Variants in CDH6 observed in about 807,000 individuals in gnomAD.
CDH6 encodes the protein cadherin 6.
CDH6 carries 31 observed loss-of-function variants against 78.0 expected under a neutral mutation model. The observed-to-expected ratio is 0.40, with a 90% CI of 0.30 to 0.54. The LOEUF (loss-of-function observed/expected upper bound fraction) is 0.54. Ranked by LOEUF, CDH6 falls within the 20% of genes least tolerant of loss-of-function variation. The pLI, the probability that CDH6 is intolerant of heterozygous loss-of-function variation, is 0.56. For missense variants in CDH6, 724 were observed against 975.9 expected, an observed-to-expected ratio of 0.74 and a Z score of 3.44; for synonymous variants, 376 against 368.8, an observed-to-expected ratio of 1.02 and a Z score of -0.23.
At chr5:31,307,844 A>G (rs1339398162) in intron 7 of CDH6, among the ~76,000 whole-genome samples, 2 of 152,182 alleles carry the variant, frequency 1.3e-5, no homozygotes, top group African/African-American at 4.8e-5. Context: ...TTCATACCAA[A>G]TACCATTTTT....
rs888902888 is a variant in CDH6 at position 31,324,754 on chromosome 5, A to G, written c.*1446A>G. On this transcript the variant is annotated 3_prime_UTR_variant, in exon 12 of 12. Coordinates refer to ENST00000265071, the MANE Select transcript of CDH6 (RefSeq NM_004932.4). ...GCAATTAGCCTCATAGTTATTATCCAGAGGACCCAACTGAACTGAACTAAT... is the reference window on the plus strand; with the variant it reads ...GCAATTAGCCTCATAGTTATTATCCGGAGGACCCAACTGAACTGAACTAAT... 2 of 207,698 alleles carry G rather than the reference A, an allele frequency of 9.6e-6. No individual in the cohort carries two copies. Among genetic ancestry groups the G allele is most frequent in the Non-Finnish European group, 2.0e-5 (2 of 101,980 alleles). The allele number at this position is 207,698 out of a possible 1,614,324, so 12.9% of individuals were successfully genotyped here.
chr5:31,300,096 A>G (rs1369618593), intron 5 of CDH6, among the ~76,000 whole-genome samples: 1 of 152,232 alleles, frequency 6.6e-6, no homozygotes, highest in Non-Finnish European at 1.5e-5. Flanking sequence ...TACTTAATCC[A>G]TTTGTAATCA....
chr5:31,316,153 G>T, intron 8 of CDH6, 55 bp from the exon 9 acceptor site: 1 of 1,568,858 alleles, frequency 6.4e-7, no homozygotes, highest in South Asian at 1.2e-5. Context: ...GTTGTCTAAA[G>T]GGAATCGGCA....
At chr5:31,218,396 T>C (rs993911436) in intron 1 of CDH6, among the ~76,000 whole-genome samples, 4 of 152,154 alleles carry the variant, frequency 2.6e-5, no homozygotes, top group African/African-American at 9.7e-5. Context: ...GGCACAGCAA[T>C]TTCATCCATT....
chr5:31,318,104 G>A (rs1049289744), intron 11 of CDH6, 180 bp downstream of exon 11: 12 of 722,012 alleles, frequency 1.7e-5, no homozygotes, highest in Non-Finnish European at 2.4e-5. Context: ...AAATGGCTTT[G>A]GAAAATGAAC....
chr5:31,271,472 G>A lies in CDH6; in HGVS notation c.228+3771G>A, dbSNP rs547599636. ...CCAGTGAGATGAATGCAGAGACACGGACAAGACAAGGTGGGGAGGAATAGT... is the reference window on the plus strand; with the variant it reads ...CCAGTGAGATGAATGCAGAGACACGAACAAGACAAGGTGGGGAGGAATAGT... On this transcript the variant is annotated intron_variant, in intron 2 of 11. Coordinates refer to ENST00000265071, the MANE Select transcript of CDH6 (RefSeq NM_004932.4). Among the ~76,000 whole-genome samples the A allele has an allele frequency of 7.7e-4, 117 of 152,224 alleles. No individual in the cohort carries two copies. In the South Asian group the frequency reaches 0.02, roughly 26 times the overall value.
intron 2 of CDH6, among the ~76,000 whole-genome samples, chr5:31,285,681 A>G (rs1471465599): frequency 2.2e-4 from 33 of 152,176 alleles, no homozygotes; most frequent in Admixed American, 2.2e-3. Flanking sequence ...CAACAGGAGG[A>G]TACTTGAAAT....
Position 31,294,385 on chromosome 5 carries a change from C to T in CDH6, c.523+129C>T. The stretch of plus-strand genomic sequence containing the variant: ...CTAACTTCTTCAATCCATGTATGTC[C>T]TTTCTGTAAGTGCATATGTTTCCTA... On this transcript the variant is annotated intron_variant, in intron 3 of 11. Coordinates refer to ENST00000265071, the MANE Select transcript of CDH6 (RefSeq NM_004932.4). The surrounding 1 kb of genome is among the most constrained non-coding windows in gnomAD (Gnocchi z 4.1). The T allele has an allele frequency of 1.4e-6, 1 of 729,156 alleles. No homozygotes were observed. Among genetic ancestry groups the T allele is most frequent in the South Asian group, 1.8e-5 (1 of 56,512 alleles). 45.2% of individuals were successfully genotyped at this position (729,156 alleles called of 1,614,324 possible). A position where few individuals can be genotyped will look rare whatever the true frequency, so the allele number is the denominator to read the frequency against.
Position 31,317,764 on chromosome 5 carries a change from C to G in CDH6, c.1722C>G (p.Asp574Glu). 6.2e-7 allele frequency: 1 copy of G among 1,614,190 alleles called. No homozygotes were observed. The change falls in exon 11 of 12, where the codon GAC becomes GAG. Residue 574 changes from aspartate (D) to glutamate (E), a missense_variant. Asp to Glu is a conservative substitution (Grantham distance 45). This residue lies in a region of CDH6 where 446 missense variants were observed against 684.5 expected (regional missense o/e 0.65). Coordinates refer to ENST00000265071, the MANE Select transcript of CDH6 (RefSeq NM_004932.4). ...TGCCTGTGGTCATTTCAGACAACGA[C>G]TACCCAGTTCAAAGCAGCACTGGGA... ...YLLPVVISDN[D>E]YPVQSSTGTV...
At position 31,294,497 on chromosome 5, in the gene CDH6, G is replaced by C. The variant is rs1737525396; in HGVS notation, c.523+241G>C. On this transcript the variant is annotated intron_variant, in intron 3 of 11. Coordinates refer to ENST00000265071, the MANE Select transcript of CDH6 (RefSeq NM_004932.4). The surrounding 1 kb of genome is among the most constrained non-coding windows in gnomAD (Gnocchi z 4.1). Reference sequence around the variant, plus strand: ...GAAAAGTGGCAGGGTGGGAGTGGGAGGTTGAAAGAGAGACCATCTCCTTTC... The same window carrying C: ...GAAAAGTGGCAGGGTGGGAGTGGGACGTTGAAAGAGAGACCATCTCCTTTC... 6.6e-6 allele frequency among the ~76,000 whole-genome samples: 1 copy of C among 152,124 alleles called. No homozygotes were observed. Among genetic ancestry groups the C allele is most frequent in the Non-Finnish European group, 1.5e-5 (1 of 68,008 alleles).
chr5:31,201,930 C>T (rs1186562684), intron 1 of CDH6, among the ~76,000 whole-genome samples: 2 of 152,010 alleles, frequency 1.3e-5, no homozygotes, highest in African/African-American at 2.4e-5. Flanking sequence ...ATTAACATAT[C>T]CTCAAAAAAA....
At chr5:31,250,713 G>A (rs561448177) in intron 1 of CDH6, 2 of 152,706 alleles carry the variant, frequency 1.3e-5, no homozygotes, top group East Asian at 3.9e-4. Flanking sequence ...AAGGAGTGAT[G>A]TCAAATGGCC....
intron 1 of CDH6, among the ~76,000 whole-genome samples, chr5:31,205,570 C>G (rs1040469892): frequency 6.6e-6 from 1 of 152,056 alleles, no homozygotes; most frequent in African/African-American, 2.4e-5. Flanking sequence ...CAGAATGTAC[C>G]CCTGAGTTTA....
Position 31,316,076 on chromosome 5 carries a change from T to G in CDH6, c.1391-132T>G, listed in dbSNP as rs185394475. 5.8e-4 allele frequency: 531 copies of G among 923,360 alleles called. 4 individuals carry two copies. In the East Asian group the frequency reaches 0.012, roughly 21 times the overall value. The allele number at this position is 923,360 out of a possible 1,614,324, so 57.2% of individuals were successfully genotyped here. On this transcript the variant is annotated intron_variant, in intron 8 of 11. Coordinates refer to ENST00000265071, the MANE Select transcript of CDH6 (RefSeq NM_004932.4). ...GTACTTTTTGTGACCACACTGGTAC[T>G]TAATGCCCAGTAGTACAGCAGCTTG...
rs1740074648 is a variant in CDH6 at position 31,193,708 on chromosome 5, CA to C, written c.-306del. The C allele has an allele frequency of 2.0e-5, 3 of 152,248 alleles. No individual in the cohort carries two copies. The highest frequency in any genetic ancestry group is 4.4e-5 in the Non-Finnish European group (3 of 68,112). 9.4% of individuals were successfully genotyped at this position (152,248 alleles called of 1,614,324 possible). On this transcript the variant is annotated 5_prime_UTR_variant, in exon 1 of 12. Transcript: ENST00000265071. ...CCTCCCACTTCATTCACTTGCAAAT[CA>C]GTGTGTGCCCACAAGAGCCAGCTCT...
chr5:31,306,874 T>C (rs1470000680), intron 7 of CDH6, among the ~76,000 whole-genome samples: 1 of 152,200 alleles, frequency 6.6e-6, no homozygotes, highest in African/African-American at 2.4e-5. Context: ...CTATTTTAGA[T>C]AATGGGGTCA....
intron 8 of CDH6, 35 bp downstream of exon 8, chr5:31,313,489 T>A (rs375136266): frequency 6.3e-7 from 1 of 1,583,938 alleles, no homozygotes; most frequent in Non-Finnish European, 8.6e-7. Flanking sequence ...TGTCCCCTAT[T>A]AATAGACTGA....
At chr5:31,200,306 C>T (rs4867320) in intron 1 of CDH6, among the ~76,000 whole-genome samples, 1 of 151,916 alleles carries the variant, frequency 6.6e-6, no homozygotes, top group African/African-American at 2.4e-5. Flanking sequence ...TAAAATGACA[C>T]CTGTTCATTG....
Position 31,291,772 on chromosome 5 carries a change from T to A in CDH6, c.229-2190T>A, listed in dbSNP as rs940787189. ...TTAAACTTTCCCCAGTGGCTCTTTGTGTGTCATGATGGTTTCAGCGTTTCC... is the reference window on the plus strand; with the variant it reads ...TTAAACTTTCCCCAGTGGCTCTTTGAGTGTCATGATGGTTTCAGCGTTTCC... On this transcript the variant is annotated intron_variant, in intron 2 of 11. Transcript: ENST00000265071. Among the ~76,000 whole-genome samples the A allele has an allele frequency of 9.9e-5, 15 of 152,192 alleles. 1 individual carries two copies. Among genetic ancestry groups the A allele is most frequent in the Admixed American group, 5.9e-4 (9 of 15,280 alleles).
Sources: allele counts gnomAD v4.1 joint callset (sites outside exome capture counted in the v4.1 genomes callset), GRCh38; gene constraint gnomAD v4.1.1; regional missense constraint gnomAD v4.1.1; non-coding constraint Gnocchi (gnomAD v3.1); transcripts MANE v1.5; gene names NCBI Gene and HGNC (gene_info 2026-07-23, HGNC 2026-07-21).